The following ZBTB8A variants were observed in gnomAD, a reference collection of about 807,000 sequenced individuals.
ZBTB8A encodes the protein zinc finger and BTB domain-containing protein 8A.
In ZBTB8A, 19 loss-of-function variants were observed where a neutral mutation model predicts 37.8. The ratio of observed to expected loss-of-function variants is 0.50; its 90% CI spans 0.35 to 0.74. The LOEUF (loss-of-function observed/expected upper bound fraction) is 0.74, where lower values mean the gene tolerates loss of function less well. ZBTB8A is among the 30% of genes least tolerant of loss of function. The pLI is 0.01. For synonymous variants in ZBTB8A, 181 were observed against 185.2 expected (o/e 0.98, Z 0.19); for missense variants, 394 against 537.8 (o/e 0.73, Z 2.65).
At chr1:32,590,728 C>T (rs1336597481) in intron 2 of ZBTB8A, among the ~76,000 whole-genome samples, 1 of 152,096 alleles carries the variant, frequency 6.6e-6, no homozygotes, top group Non-Finnish European at 1.5e-5. Context: ...AATTCCTGCT[C>T]ACCTTTGAGG....
chr1:32,574,618 T>C (rs1478261857), intron 2 of ZBTB8A, among the ~76,000 whole-genome samples: 3 of 152,090 alleles, frequency 2.0e-5, no homozygotes, highest in African/African-American at 7.2e-5. Flanking sequence ...AATAAAAATT[T>C]TTTAAAAAAT....
At position 32,577,298 on chromosome 1, in the gene ZBTB8A, G is replaced by A. The variant is rs188260888; in HGVS notation, c.-1-15633G>A. 4.6e-5 allele frequency among the ~76,000 whole-genome samples: 7 copies of A among 152,020 alleles called. No individual in the cohort carries two copies. The East Asian group carries it at 7.7e-4, about 17-fold the overall frequency. On this transcript the variant is annotated intron_variant, in intron 2 of 4. Transcript: ENST00000373510. ...CAATCTTCACCTCCCAGGTTCAAGC[G>A]ATTCTCATGCCTCAACCTCCTCAGT...
intron 2 of ZBTB8A, among the ~76,000 whole-genome samples, chr1:32,556,496 A>G (rs12727316): frequency 1.3e-5 from 2 of 152,110 alleles, no homozygotes; most frequent in African/African-American, 2.4e-5. Context: ...CCTCCCAAGT[A>G]GCTGGGACCA....
intron 4 of ZBTB8A, 67 bp downstream of exon 4, chr1:32,595,290 T>C (rs1193678999): frequency 1.3e-6 from 2 of 1,526,046 alleles, no homozygotes; most frequent in Admixed American, 3.5e-5. Context: ...TTTTTTGAGA[T>C]GGAGTTTCAC....
intron 2 of ZBTB8A, among the ~76,000 whole-genome samples, chr1:32,591,049 A>T (rs551528250): frequency 1.4e-5 from 2 of 147,662 alleles, no homozygotes; most frequent in South Asian, 4.3e-4. Flanking sequence ...GTGTGCCATG[A>T]TGCCCAGCTA....
At chr1:32,552,378 G>A (rs1057367859) in intron 1 of ZBTB8A, among the ~76,000 whole-genome samples, 12 of 152,056 alleles carry the variant, frequency 7.9e-5, no homozygotes, top group African/African-American at 2.9e-4. Flanking sequence ...TAAACCAAAT[G>A]GCCAGGCGTG....
Position 32,605,756 on chromosome 1 carries a change from G to T in ZBTB8A, c.*5337G>T, listed in dbSNP as rs952196869. 4.8e-5 allele frequency: 7 copies of T among 146,236 alleles called. No individual in the cohort carries two copies. The highest frequency in any genetic ancestry group is 1.9e-4 in the African/African-American group (7 of 37,580). The allele number at this position is 146,236 out of a possible 1,614,324, so 9.1% of individuals were successfully genotyped here. ...GAACCTAAGACAACCCAGTGAAATGGTAGCAAAAAATAGGAAATATAATGA... is the reference window on the plus strand; with the variant it reads ...GAACCTAAGACAACCCAGTGAAATGTTAGCAAAAAATAGGAAATATAATGA... On this transcript the variant is annotated 3_prime_UTR_variant, in exon 5 of 5. Transcript: ENST00000373510.
intron 2 of ZBTB8A, among the ~76,000 whole-genome samples, chr1:32,576,563 G>C (rs1644362043): frequency 6.6e-6 from 1 of 152,120 alleles, no homozygotes; most frequent in Non-Finnish European, 1.5e-5. Flanking sequence ...TGAGTAGCTG[G>C]AACTACAGGT....
rs1557717846 is a variant in ZBTB8A, at chr1:32,594,206, AAAG to A, written c.823+458_823+460del. ...GAGACTCTGTCTCAAAAAAACAAAA[AAAG>A]AAGAAATTCATTTCATAAAACGTGG... On this transcript the variant is annotated intron_variant, in intron 3 of 4. Transcript: ENST00000373510. Among the ~76,000 whole-genome samples the A allele has an allele frequency of 1.5e-3, 229 of 152,020 alleles. 1 individual carries two copies. Among genetic ancestry groups the A allele is most frequent in the African/African-American group, 4.9e-3 (205 of 41,478 alleles).
At chr1:32,569,901 G>T (rs930307333) in intron 2 of ZBTB8A, among the ~76,000 whole-genome samples, 2 of 152,068 alleles carry the variant, frequency 1.3e-5, no homozygotes, top group African/African-American at 4.8e-5. Flanking sequence ...GGGATTATAG[G>T]TGTGAGCCAC....
intron 2 of ZBTB8A, among the ~76,000 whole-genome samples, chr1:32,566,016 A>G (rs1644275793): frequency 6.6e-6 from 1 of 152,062 alleles, no homozygotes; most frequent in Non-Finnish European, 1.5e-5. Context: ...CCTGGCTAAC[A>G]TGGTGAAACC....
chr1:32,581,329 T>C (rs1308212724), intron 2 of ZBTB8A, among the ~76,000 whole-genome samples: 1 of 123,346 alleles, frequency 8.1e-6, no homozygotes, highest in African/African-American at 3.1e-5. Flanking sequence ...TATAAGTATA[T>C]ATAATATATA....
chr1:32,573,443 T>C (rs2148234262), intron 2 of ZBTB8A, among the ~76,000 whole-genome samples: 1 of 151,232 alleles, frequency 6.6e-6, no homozygotes, highest in East Asian at 1.9e-4. Context: ...TTTTTTTTTT[T>C]TTTAATTGAG....
chr1:32,557,681 T>C (rs1171665035), intron 2 of ZBTB8A, among the ~76,000 whole-genome samples: 1 of 152,060 alleles, frequency 6.6e-6, no homozygotes, highest in Non-Finnish European at 1.5e-5. Flanking sequence ...CCCAGGCTAG[T>C]CTCAAACTCC....
At chr1:32,546,359 A>C (rs1008382173) in intron 1 of ZBTB8A, among the ~76,000 whole-genome samples, 6 of 152,042 alleles carry the variant, frequency 3.9e-5, no homozygotes, top group African/African-American at 1.2e-4. Context: ...CATGAGAATC[A>C]CTTGAACCCA....
In ZBTB8A at chr1:32,600,598, C is replaced by T; in HGVS notation, c.*179C>T. On this transcript the variant is annotated 3_prime_UTR_variant, in exon 5 of 5. Coordinates refer to ENST00000373510, the MANE Select transcript of ZBTB8A (RefSeq NM_001040441.3). ...TGTATCCATTCTGAACTTTGTTGCC[C>T]TAAAATGTGTTGCTGCACTGGAAAG... is the stretch of plus-strand genomic sequence containing the variant. 1.7e-6 allele frequency: 1 copy of T among 581,816 alleles called. No individual in the cohort carries two copies. Among genetic ancestry groups the T allele is most frequent in the Non-Finnish European group, 3.0e-6 (1 of 332,232 alleles). 36.0% of individuals were successfully genotyped at this position (581,816 alleles called of 1,614,324 possible).
intron 2 of ZBTB8A, among the ~76,000 whole-genome samples, chr1:32,564,521 C>G (rs1052217468): frequency 6.6e-6 from 1 of 152,166 alleles, no homozygotes; most frequent in Admixed American, 6.5e-5. Flanking sequence ...GAAATTCCCT[C>G]TCTAGAATTT....
Position 32,600,311 on chromosome 1 carries a change from T to C in ZBTB8A, c.1218T>C (p.Asn406=). ...GATGGCACTTGAGTGAAGATGAGAA[T>C]AGATCCTATGTGGAGATTGTAGAAG... ...DSRWHLSEDE[N]RSYVEIVEDG... Residue 406 remains asparagine, a synonymous_variant, in exon 5 of 5, where the codon AAT becomes AAC. Transcript: ENST00000373510. 6.2e-7 allele frequency: 1 copy of C among 1,614,140 alleles called. No homozygotes were observed. The highest frequency in any genetic ancestry group is 8.5e-7 in the Non-Finnish European group (1 of 1,179,996).
chr1:32,584,765 C>T (rs1644433614), intron 2 of ZBTB8A, among the ~76,000 whole-genome samples: 1 of 151,804 alleles, frequency 6.6e-6, no homozygotes, highest in Admixed American at 6.6e-5. Flanking sequence ...AGTGATCCTC[C>T]CGCCTTGGCC....
Sources: allele counts gnomAD v4.1 joint callset (sites outside exome capture counted in the v4.1 genomes callset), GRCh38; gene constraint gnomAD v4.1.1; transcripts MANE v1.5; gene names NCBI Gene and HGNC (gene_info 2026-07-23, HGNC 2026-07-21).